The following TMEM14C variants were observed in gnomAD, a reference collection of about 807,000 sequenced individuals.
TMEM14C encodes transmembrane protein 14C, also known as chromosome 6 open reading frame 53.
TMEM14C carries 13 observed loss-of-function variants against 14.8 expected under a neutral mutation model. The ratio of observed to expected loss-of-function variants is 0.88; its 90% CI spans 0.57 to 1.40. The LOEUF (loss-of-function observed/expected upper bound fraction) is 1.40, where lower values mean the gene tolerates loss of function less well. Among genes scored for constraint, TMEM14C ranks in the 40% most tolerant of loss-of-function variants. TMEM14C has a pLI of 0.00. For missense variants in TMEM14C, 142 were observed against 138.8 expected, an observed-to-expected ratio of 1.02 and a Z score of -0.12; for synonymous variants, 57 against 51.3, an observed-to-expected ratio of 1.11 and a Z score of -0.48.
intron 1 of TMEM14C, among the ~76,000 whole-genome samples, chr6:10,723,594 C>CTTT (rs34904534): frequency 0.04 from 4,689 of 118,632 alleles, 342 homozygotes; most frequent in African/African-American, 0.082. Context: ...AAACTTAATT[C>CTTT]TTTTTTTTTT....
chr6:10,725,865 G>A (rs1448480592), intron 3 of TMEM14C, 42 bp from the exon 4 acceptor site: 2 of 1,611,320 alleles, frequency 1.2e-6, no homozygotes, highest in Admixed American at 1.7e-5. Flanking sequence ...AGTGAAATAA[G>A]TGCCTGACAT....
At chr6:10,726,125 C>T in intron 4 of TMEM14C, 117 bp downstream of exon 4, 1 of 1,117,612 alleles carries the variant, frequency 8.9e-7, no homozygotes. Flanking sequence ...GACAATTTCA[C>T]TGCTTCTACC....
intron 1 of TMEM14C, 112 bp from the exon 2 acceptor site, chr6:10,724,458 C>A: frequency 2.9e-6 from 2 of 688,084 alleles, no homozygotes; most frequent in Non-Finnish European, 5.2e-6. Context: ...CCTCATGGTA[C>A]AGTGAAGAAT....
intron 3 of TMEM14C, 75 bp from the exon 4 acceptor site, chr6:10,725,832 G>A (rs1205253811): frequency 1.3e-6 from 2 of 1,568,866 alleles, no homozygotes; most frequent in Middle Eastern, 2.3e-4. Context: ...CCTTTGTAGG[G>A]CAGCGGTCTG....
At position 10,724,942 on chromosome 6, in the gene TMEM14C, C is replaced by G; in HGVS notation, c.21-19C>G. On this transcript the variant is annotated intron_variant, in intron 2 of 5. Coordinates refer to ENST00000229563, the MANE Select transcript of TMEM14C (RefSeq NM_016462.4). ...TTCAAAGCCAGGTTAGCACTGACTT[C>G]TCCCTCTTGTGTTTTCAGAGTGCCT... 1 of 1,614,206 alleles carries G rather than the reference C, an allele frequency of 6.2e-7. No individual in the cohort carries two copies. The highest frequency in any genetic ancestry group is 1.6e-4 in the Middle Eastern group (1 of 6,062).
chr6:10,724,485 C>T (rs1261717610), intron 1 of TMEM14C, 85 bp from the exon 2 acceptor site: 8 of 833,170 alleles, frequency 9.6e-6, no homozygotes, highest in South Asian at 4.5e-5. Flanking sequence ...ACTTAGGTTG[C>T]GTAGCTTGCA....
intron 1 of TMEM14C, 157 bp from the exon 2 acceptor site, chr6:10,724,413 T>G: frequency 1.7e-6 from 1 of 595,442 alleles, no homozygotes; most frequent in Non-Finnish European, 3.0e-6. Flanking sequence ...CATTGAATGC[T>G]CACTACAGCC....
chr6:10,724,923 G>A (rs753568747), intron 2 of TMEM14C, 38 bp from the exon 3 acceptor site: 1 of 1,612,650 alleles, frequency 6.2e-7, no homozygotes, highest in Non-Finnish European at 8.5e-7. Context: ...TGTTTTCAAA[G>A]CCAGGTTAGC....
chr6:10,730,466 TC>T, intron 5 of TMEM14C, 148 bp from the exon 6 acceptor site: 1 of 642,762 alleles, frequency 1.6e-6, no homozygotes, highest in Non-Finnish European at 2.5e-6. Flanking sequence ...CTCTGGTTCC[TC>T]CAGGGATGGA....
At chr6:10,727,170 C>T (rs756995602) in intron 4 of TMEM14C, among the ~76,000 whole-genome samples, 48 of 152,180 alleles carry the variant, frequency 3.2e-4, no homozygotes, top group Non-Finnish European at 5.3e-4. Flanking sequence ...AGCCTCCCCT[C>T]GTCCTGTTTC....
At chr6:10,730,481 T>C in intron 5 of TMEM14C, 134 bp from the exon 6 acceptor site, 1 of 742,490 alleles carries the variant, frequency 1.3e-6, no homozygotes, top group South Asian at 2.8e-5. Context: ...GGATGGAAAT[T>C]TACCCCTGAC....
chr6:10,728,907 A>G (rs1770949961), intron 5 of TMEM14C, 180 bp downstream of exon 5: 12 of 1,410,442 alleles, frequency 8.5e-6, no homozygotes, highest in Admixed American at 2.0e-5. Context: ...TCAAAATGGC[A>G]TGAGTATATC....
Position 10,730,674 on chromosome 6 carries a change from C to A in TMEM14C, c.*8C>A. The A allele has an allele frequency of 6.2e-7, 1 of 1,607,988 alleles. No homozygotes were observed. Among genetic ancestry groups the A allele is most frequent in the Non-Finnish European group, 8.5e-7 (1 of 1,175,982 alleles). ...TTCAACAGACCCCATTAGCAGAAGT[C>A]ATGTTCCAGCTTAGACTGATGAAGA... is the stretch of plus-strand genomic sequence containing the variant. On this transcript the variant is annotated 3_prime_UTR_variant, in exon 6 of 6. Transcript: ENST00000229563.
intron 4 of TMEM14C, among the ~76,000 whole-genome samples, chr6:10,727,072 G>C (rs943536071): frequency 2.6e-5 from 4 of 152,218 alleles, no homozygotes; most frequent in East Asian, 3.9e-4. Flanking sequence ...TTTCTCTGAT[G>C]CTACTCTACT....
intron 3 of TMEM14C, 118 bp downstream of exon 3, chr6:10,725,155 C>G (rs754294157): frequency 4.9e-6 from 6 of 1,232,466 alleles, no homozygotes; most frequent in Non-Finnish European, 5.9e-6. Context: ...GGTCCCCAAG[C>G]TGGAGTGCAG....
chr6:10,727,605 T>C (rs1770902169), intron 4 of TMEM14C, among the ~76,000 whole-genome samples: 1 of 152,080 alleles, frequency 6.6e-6, no homozygotes, highest in Non-Finnish European at 1.5e-5. Context: ...GTGGATTGCC[T>C]GAGCTCAGGA....
At chr6:10,730,559 A>G (rs1478406561) in intron 5 of TMEM14C, 56 bp from the exon 6 acceptor site, 2 of 1,563,536 alleles carry the variant, frequency 1.3e-6, no homozygotes, top group Non-Finnish European at 1.8e-6. Flanking sequence ...CCTTAAAAAC[A>G]TAGTTGCCTG....
rs143874890 is a variant in TMEM14C, at chr6:10,725,789, A to C, written c.98-118A>C. ...CTTCCTGCTTGAGTCCACCTTGGCT[A>C]TGAGCTGTGTTGAGAGTTCTCTGTG... On this transcript the variant is annotated intron_variant, in intron 3 of 5. Transcript: ENST00000229563. 9 of 1,235,238 alleles carry C rather than the reference A, an allele frequency of 7.3e-6. No homozygotes were observed. The East Asian group carries it at 7.4e-5, about 10-fold the overall frequency. The allele number at this position is 1,235,238 out of a possible 1,614,324, so 76.5% of individuals were successfully genotyped here.
intron 4 of TMEM14C, among the ~76,000 whole-genome samples, chr6:10,726,360 C>G (rs976618016): frequency 6.6e-6 from 1 of 152,198 alleles, no homozygotes; most frequent in South Asian, 2.1e-4. Flanking sequence ...AGGTTTGCAT[C>G]TGAATTGCGA....
Sources: gnomAD v4.1 joint callset for allele counts (sites outside exome capture counted in the v4.1 genomes callset) on GRCh38, gnomAD v4.1.1 for gene constraint, MANE v1.5 for transcripts, NCBI Gene and HGNC (gene_info 2026-07-23, HGNC 2026-07-21) for gene names.